Variants in POLR3B observed in about 807,000 individuals in gnomAD.
POLR3B encodes the protein RNA polymerase III subunit B.
Under a neutral mutation model 147.4 loss-of-function variants are expected in POLR3B, and 96 were observed. The ratio of observed to expected loss-of-function variants is 0.65; its 90% CI spans 0.55 to 0.77. POLR3B has a LOEUF of 0.77. Among genes scored for constraint, POLR3B ranks in the 30% least tolerant of loss-of-function variants. The pLI, the probability that POLR3B is intolerant of heterozygous loss-of-function variation, is 0.00. For missense variants in POLR3B, 1,036 were observed against 1,413.5 expected, an observed-to-expected ratio of 0.73 and a Z score of 4.28; for synonymous variants, 461 against 485.9, an observed-to-expected ratio of 0.95 and a Z score of 0.67.
intron 16 of POLR3B, among the ~76,000 whole-genome samples, chr12:106,435,390 C>T (rs1048211701): frequency 4.6e-5 from 7 of 152,072 alleles, no homozygotes; most frequent in African/African-American, 1.4e-4. Flanking sequence ...AGTGATCCAC[C>T]CACCTCAGCC....
chr12:106,369,541 C>T (rs1439118198), intron 5 of POLR3B, 42 bp from the exon 6 acceptor site: 1 of 1,314,214 alleles, frequency 7.6e-7, no homozygotes, highest in African/African-American at 1.4e-5. Flanking sequence ...GACCCTGTTG[C>T]AGAGAGGAGC....
chr12:106,403,703 C>T (rs1348448378), intron 10 of POLR3B, among the ~76,000 whole-genome samples: 2 of 151,202 alleles, frequency 1.3e-5, no homozygotes, highest in African/African-American at 4.9e-5. Flanking sequence ...AGCAAACTAT[C>T]GCAAGGACAA....
At chr12:106,494,842 C>T (rs191576957) in intron 23 of POLR3B, among the ~76,000 whole-genome samples, 1 of 152,304 alleles carries the variant, frequency 6.6e-6, no homozygotes, top group East Asian at 1.9e-4. Flanking sequence ...TTCAACTCCA[C>T]AATATCCATA....
intron 23 of POLR3B, among the ~76,000 whole-genome samples, chr12:106,469,429 G>T (rs1305684434): frequency 3.9e-5 from 6 of 151,962 alleles, no homozygotes; most frequent in Admixed American, 3.3e-4. Context: ...TCTTTTAATT[G>T]GGGCATTTAG....
Position 106,366,712 on chromosome 12 carries a change from T to A in POLR3B, c.217T>A (p.Trp73Arg). 6.2e-7 allele frequency: 1 copy of A among 1,611,786 alleles called. No homozygotes were observed. The highest frequency in any genetic ancestry group is 1.1e-5 in the South Asian group (1 of 91,034). ...EKVTSDADPM[W>R]YLKYLNIYVG... ...GGTTACAAGTGACGCTGACCCTATG[T>A]GGTACTTAAAGTAAGGAACCAACAT... Residue 73 changes from tryptophan to arginine, a missense_variant, in exon 4 of 28, where the codon TGG becomes AGG. This residue lies in a region of POLR3B where 150 missense variants were observed against 145.5 expected (regional missense o/e 1.03). Coordinates refer to ENST00000228347, the MANE Select transcript of POLR3B (RefSeq NM_018082.6).
chr12:106,452,460 G>A (rs1332988877), intron 19 of POLR3B, among the ~76,000 whole-genome samples: 1 of 152,122 alleles, frequency 6.6e-6, no homozygotes, highest in East Asian at 1.9e-4. Flanking sequence ...TTGTTTAGAG[G>A]TGCAGCCATT....
chr12:106,469,822 G>A (rs1022837880), intron 23 of POLR3B, among the ~76,000 whole-genome samples: 4 of 152,208 alleles, frequency 2.6e-5, no homozygotes, highest in Middle Eastern at 3.2e-3. Flanking sequence ...GAGATCTGCT[G>A]TTAGTCTAAT....
At chr12:106,457,092 C>T in intron 20 of POLR3B, 46 bp from the exon 21 acceptor site, 1 of 1,539,896 alleles carries the variant, frequency 6.5e-7, no homozygotes, top group Non-Finnish European at 9.0e-7. Flanking sequence ...TTCCTTATAG[C>T]TTTGGGTTAC....
intron 23 of POLR3B, among the ~76,000 whole-genome samples, chr12:106,471,296 C>G (rs2038087708): frequency 6.6e-6 from 1 of 152,182 alleles, no homozygotes; most frequent in South Asian, 2.1e-4. Flanking sequence ...ATCTCCTGCT[C>G]TGCCGGTTGT....
rs140765187 is a variant in POLR3B at position 106,425,278 on chromosome 12, A to G, written c.1102-1919A>G. Among the ~76,000 whole-genome samples, 29 of 152,180 alleles carry G rather than the reference A, an allele frequency of 1.9e-4. No homozygotes were observed. In the East Asian group the frequency reaches 5.2e-3, roughly 27 times the overall value. On this transcript the variant is annotated intron_variant, in intron 12 of 27. Transcript: ENST00000228347. ...ATCAGTGCAGGATCTTTGCCCAACCAGGTTTCCTGCTCCTCCCCTAGGGAA... is the reference window on the plus strand; with the variant it reads ...ATCAGTGCAGGATCTTTGCCCAACCGGGTTTCCTGCTCCTCCCCTAGGGAA...
At chr12:106,427,072 A>AT (rs902631967) in intron 12 of POLR3B, 125 bp from the exon 13 acceptor site, 23 of 686,340 alleles carry the variant, frequency 3.4e-5, no homozygotes, top group Non-Finnish European at 4.9e-5. Flanking sequence ...GAAAATAGCA[A>AT]TTTTTTTTCT....
intron 16 of POLR3B, among the ~76,000 whole-genome samples, chr12:106,435,168 C>G (rs570951844): frequency 1.3e-5 from 2 of 151,660 alleles, no homozygotes; most frequent in Non-Finnish European, 2.9e-5. Context: ...CACTTTGTCA[C>G]CCAGGCTGCA....
intron 21 of POLR3B, among the ~76,000 whole-genome samples, chr12:106,459,040 T>G (rs1424073136): frequency 6.6e-6 from 1 of 151,940 alleles, no homozygotes; most frequent in Non-Finnish European, 1.5e-5. Context: ...TGTGTGTGTG[T>G]GTGGGTGTGT....
intron 19 of POLR3B, 90 bp from the exon 20 acceptor site, chr12:106,454,412 G>A (rs2037838048): frequency 5.5e-6 from 4 of 724,106 alleles, no homozygotes; most frequent in South Asian, 1.5e-5. Flanking sequence ...TTTAATTAGT[G>A]ATGTTAATGT....
chr12:106,440,994 A>G lies in POLR3B; in HGVS notation c.1955+3215A>G, dbSNP rs375875015. 1.4e-3 allele frequency among the ~76,000 whole-genome samples: 216 copies of G among 152,272 alleles called. 2 individuals are homozygous for G. The highest frequency in any genetic ancestry group is 1.5e-3 in the Non-Finnish European group (103 of 68,012). On this transcript the variant is annotated intron_variant, in intron 18 of 27. Transcript: ENST00000228347. ...TATGTTTTTTAAAATATAGAAATGC[A>G]TGAAGTACAAAGAATGAATCCCCTT...
At chr12:106,491,046 A>G (rs910576916) in intron 23 of POLR3B, among the ~76,000 whole-genome samples, 3 of 152,278 alleles carry the variant, frequency 2.0e-5, no homozygotes, top group Non-Finnish European at 2.9e-5. Flanking sequence ...TGCTCCTTCT[A>G]TTCATTAAGT....
intron 5 of POLR3B, 82 bp from the exon 6 acceptor site, chr12:106,369,501 A>G: frequency 2.0e-6 from 2 of 1,008,586 alleles, no homozygotes; most frequent in South Asian, 1.3e-5. Flanking sequence ...CCATAATTCT[A>G]CTACAGAAGG....
At position 106,424,317 on chromosome 12, in the gene POLR3B, C is replaced by G. The variant is rs143916862; in HGVS notation, c.1102-2880C>G. Among the ~76,000 whole-genome samples the G allele has an allele frequency of 8.3e-4, 126 of 152,254 alleles. No homozygotes were observed. In the East Asian group the frequency reaches 0.019, roughly 23 times the overall value. On this transcript the variant is annotated intron_variant, in intron 12 of 27. Transcript: ENST00000228347. ...TGGGAGTATATCCTATCCTGTATGT[C>G]TGATTTTATCCACTTTTTGTGCCAT... is the stretch of plus-strand genomic sequence containing the variant.
Position 106,456,915 on chromosome 12 carries a change from A to T in POLR3B, c.2294-223A>T, listed in dbSNP as rs574284939. Reference sequence around the variant, plus strand: ...TGCAGAAAATGGTTGTAGAGATTCCAGTGTTTACACAGACAGTAGGTAGGG... The same window carrying T: ...TGCAGAAAATGGTTGTAGAGATTCCTGTGTTTACACAGACAGTAGGTAGGG... On this transcript the variant is annotated intron_variant, in intron 20 of 27. Transcript: ENST00000228347. Among the ~76,000 whole-genome samples, 5 of 152,312 alleles carry T rather than the reference A, an allele frequency of 3.3e-5. No individual in the cohort carries two copies. In the East Asian group the frequency reaches 9.6e-4, roughly 29 times the overall value.
Sources: allele counts gnomAD v4.1 joint callset (sites outside exome capture counted in the v4.1 genomes callset), GRCh38; gene constraint gnomAD v4.1.1; regional missense constraint gnomAD v4.1.1; transcripts MANE v1.5; gene names NCBI Gene and HGNC (gene_info 2026-07-23, HGNC 2026-07-21).